Variants in RBM47 observed in about 807,000 individuals in gnomAD.
RBM47 encodes RNA binding motif protein 47, also known as RNA-binding protein 47.
Under a neutral mutation model 47.1 loss-of-function variants are expected in RBM47, and 21 were observed. The observed-to-expected ratio is 0.45, with a 90% CI of 0.32 to 0.64. The LOEUF is 0.64. Ranked by LOEUF, RBM47 falls within the 30% of genes least tolerant of loss-of-function variation. RBM47 has a pLI of 0.05. For synonymous variants in RBM47, 375 were observed against 361.7 expected (o/e 1.04, Z -0.42); for missense variants, 708 against 870.9 (o/e 0.81, Z 2.35).
chr4:40,545,595 C>T (rs574545536), intron 1 of RBM47, among the ~76,000 whole-genome samples: 47 of 147,480 alleles, frequency 3.2e-4, no homozygotes, highest in African/African-American at 1.0e-3. Flanking sequence ...ACTCGGGAGG[C>T]GGAGGTTGCA....
intron 2 of RBM47, chr4:40,491,930 C>T (rs17587074): frequency 0.045 from 7,091 of 156,864 alleles, 224 homozygotes; most frequent in East Asian, 0.17. Context: ...TCATATGGGG[C>T]GCCTAAAAAT....
At chr4:40,440,091 T>C (rs777410183) in intron 3 of RBM47, among the ~76,000 whole-genome samples, 14 of 152,212 alleles carry the variant, frequency 9.2e-5, no homozygotes, top group African/African-American at 2.9e-4. Flanking sequence ...ATTATTACGA[T>C]GAGCTGCAGA....
chr4:40,499,126 T>C (rs1301857559), intron 2 of RBM47, among the ~76,000 whole-genome samples: 1 of 152,188 alleles, frequency 6.6e-6, no homozygotes, highest in Admixed American at 6.5e-5. Context: ...AAAACCTTAA[T>C]AACTAAGAAA....
At chr4:40,567,729 G>A (rs1054790380) in intron 1 of RBM47, among the ~76,000 whole-genome samples, 2 of 151,930 alleles carry the variant, frequency 1.3e-5, no homozygotes, top group Non-Finnish European at 2.9e-5. Context: ...CAAGACCAAG[G>A]TTAAGGTATT....
chr4:40,479,842 C>T (rs1396691449), intron 2 of RBM47, among the ~76,000 whole-genome samples: 1 of 152,040 alleles, frequency 6.6e-6, no homozygotes, highest in Non-Finnish European at 1.5e-5. Context: ...TCACATCCAC[C>T]TGTAATAAAA....
At chr4:40,527,436 ATTTT>A (rs60524903) in intron 2 of RBM47, among the ~76,000 whole-genome samples, 10,483 of 104,606 alleles carry the variant, frequency 0.1, 145 homozygotes, top group East Asian at 0.17. Flanking sequence ...ACACCTGGCA[ATTTT>A]TTTTTTTTTT....
chr4:40,493,773 A>C (rs1722215222), intron 2 of RBM47, among the ~76,000 whole-genome samples: 1 of 65,938 alleles, frequency 1.5e-5, no homozygotes, highest in Non-Finnish European at 3.2e-5. Flanking sequence ...CCCTGTCTCA[A>C]AAAAAAAAAA....
chr4:40,604,707 A>G (rs1735589546), intron 1 of RBM47, among the ~76,000 whole-genome samples: 2 of 135,354 alleles, frequency 1.5e-5, no homozygotes, highest in South Asian at 5.0e-4. Context: ...CGATTGCCAC[A>G]TGGCTCTTTG....
intron 1 of RBM47, among the ~76,000 whole-genome samples, chr4:40,577,383 C>T (rs778043350): frequency 1.3e-5 from 2 of 152,130 alleles, no homozygotes; most frequent in South Asian, 4.1e-4. Flanking sequence ...TCCTCAGCAA[C>T]AGCTTGTTTG....
intron 1 of RBM47, among the ~76,000 whole-genome samples, chr4:40,621,599 G>C (rs752204721): frequency 2.6e-5 from 4 of 152,198 alleles, no homozygotes; most frequent in Non-Finnish European, 4.4e-5. Flanking sequence ...AAAAGAGATA[G>C]TTAAGAAAAT....
At chr4:40,539,916 G>A (rs1728346140) in intron 2 of RBM47, among the ~76,000 whole-genome samples, 2 of 151,978 alleles carry the variant, frequency 1.3e-5, no homozygotes, top group African/African-American at 4.8e-5. Flanking sequence ...ACCAGGCCAC[G>A]TTTTCCTCCT....
intron 1 of RBM47, among the ~76,000 whole-genome samples, chr4:40,586,550 A>C (rs1189494592): frequency 6.6e-6 from 1 of 150,662 alleles, no homozygotes; most frequent in Non-Finnish European, 1.5e-5. Flanking sequence ...TTACCCTGTT[A>C]ACCAGAACAG....
chr4:40,572,154 G>A (rs1731790933), intron 1 of RBM47, among the ~76,000 whole-genome samples: 1 of 150,280 alleles, frequency 6.7e-6, no homozygotes, highest in Admixed American at 6.6e-5. Context: ...AGGCCGAGGC[G>A]GGTGGATAAC....
At chr4:40,532,301 C>T (rs1258838660) in intron 2 of RBM47, among the ~76,000 whole-genome samples, 7 of 143,270 alleles carry the variant, frequency 4.9e-5, no homozygotes, top group African/African-American at 1.6e-4. Context: ...TGAGTCACCA[C>T]GCCCGGCATT....
At position 40,424,788 on chromosome 4, in the gene RBM47, C is replaced by T. The variant is rs1471584632; in HGVS notation, c.*1116G>A. On this transcript the variant is annotated 3_prime_UTR_variant, in exon 7 of 7. Coordinates refer to ENST00000295971, the MANE Select transcript of RBM47 (RefSeq NM_001098634.2). ...AAAGAGTCTCTGGGGGTCTTGTCTA[C>T]GATAACATACATTCTTTGTCCCTAC... 2.0e-5 allele frequency: 3 copies of T among 152,072 alleles called. No homozygotes were observed. Among genetic ancestry groups the T allele is most frequent in the Admixed American group, 6.6e-5 (1 of 15,254 alleles). 9.4% of individuals were successfully genotyped at this position (152,072 alleles called of 1,614,324 possible). A position where few individuals can be genotyped will look rare whatever the true frequency, so the allele number is the denominator to read the frequency against.
intron 2 of RBM47, among the ~76,000 whole-genome samples, chr4:40,529,816 G>A (rs187662341): frequency 0.012 from 1,668 of 142,322 alleles, 44 homozygotes; most frequent in African/African-American, 0.042. Context: ...GCAACAAAGC[G>A]AGACTCCATC....
At chr4:40,521,853 AAGG>A (rs773452210) in intron 2 of RBM47, among the ~76,000 whole-genome samples, 2 of 152,168 alleles carry the variant, frequency 1.3e-5, no homozygotes, top group African/African-American at 4.8e-5. Context: ...TCTGCTGTGC[AAGG>A]AGAAGAAAAA....
chr4:40,519,479 T>C (rs1325572003), intron 2 of RBM47, among the ~76,000 whole-genome samples: 1 of 151,528 alleles, frequency 6.6e-6, no homozygotes, highest in East Asian at 2.0e-4. Flanking sequence ...GTATTTTTAG[T>C]AGAGATGGGG....
intron 1 of RBM47, among the ~76,000 whole-genome samples, chr4:40,592,624 A>C (rs1424612537): frequency 1.3e-5 from 2 of 150,814 alleles, no homozygotes; most frequent in South Asian, 2.1e-4. Context: ...GGGTTTCTCT[A>C]TGTTGGCCAG....
Sources: gnomAD v4.1 joint callset for allele counts (sites outside exome capture counted in the v4.1 genomes callset) on GRCh38, gnomAD v4.1.1 for gene constraint, MANE v1.5 for transcripts, NCBI Gene and HGNC (gene_info 2026-07-23, HGNC 2026-07-21) for gene names.